SLFN12: variants seen among roughly 807,000 people sequenced by gnomAD.
The protein encoded by SLFN12 is ribonuclease SLFN12.
A neutral mutation model predicts 29.1 loss-of-function variants in SLFN12; 25 were observed. The observed-to-expected ratio is 0.86, with a 90% CI of 0.63 to 1.20. SLFN12 has a LOEUF of 1.20. Among genes scored for constraint, SLFN12 ranks in the 50% most tolerant of loss-of-function variants. SLFN12 has a pLI of 0.00. For missense variants in SLFN12, 660 were observed against 666.2 expected (o/e 0.99, Z 0.10); for synonymous variants, 257 against 238.7 (o/e 1.08, Z -0.71).
intron 2 of SLFN12, among the ~76,000 whole-genome samples, chr17:35,421,716 T>G (rs895459186): frequency 1.3e-5 from 2 of 151,866 alleles, no homozygotes; most frequent in African/African-American, 4.8e-5. Context: ...ATTTTTTGTA[T>G]TTTTAGTAGA....
At position 35,429,291 on chromosome 17, in the gene SLFN12, C is replaced by T. The variant is rs1912181612; in HGVS notation, c.-41+2897G>A. ...GCAGTTGAGCCACCTTATAGAGGAC[C>T]CAGCGCTTGTGAACTAGCCTGGGAT... On this transcript the variant is annotated intron_variant, in intron 1 of 3. Coordinates refer to ENST00000304905, the MANE Select transcript of SLFN12 (RefSeq NM_018042.5). Among the ~76,000 whole-genome samples the T allele has an allele frequency of 1.3e-5, 2 of 151,902 alleles. 1 individual carries two copies. Among genetic ancestry groups the T allele is most frequent in the South Asian group, 4.2e-4 (2 of 4,804 alleles).
intron 1 of SLFN12, among the ~76,000 whole-genome samples, chr17:35,431,193 T>C (rs1465020794): frequency 1.3e-5 from 2 of 152,198 alleles, no homozygotes; most frequent in Non-Finnish European, 2.9e-5. Flanking sequence ...TTCCCAGGAA[T>C]ATGGATTTGA....
intron 3 of SLFN12, among the ~76,000 whole-genome samples, chr17:35,415,444 G>A (rs8079558): frequency 0.34 from 51,120 of 151,856 alleles, 10,396 homozygotes; most frequent in East Asian, 0.58. Context: ...AATTCTAGAC[G>A]TTGGCTTAGG....
chr17:35,424,286 A>T (rs1442420248), intron 1 of SLFN12, among the ~76,000 whole-genome samples: 1 of 152,130 alleles, frequency 6.6e-6, no homozygotes, highest in Non-Finnish European at 1.5e-5. Context: ...ACTTAAGTTT[A>T]ACTTTTTTTT....
chr17:35,429,342 C>T (rs1172515090), intron 1 of SLFN12, among the ~76,000 whole-genome samples: 1 of 152,090 alleles, frequency 6.6e-6, no homozygotes, highest in Non-Finnish European at 1.5e-5. Flanking sequence ...CCAACATCTG[C>T]AGCTGTGTAA....
chr17:35,427,712 A>G (rs182455864), intron 1 of SLFN12, among the ~76,000 whole-genome samples: 249 of 152,312 alleles, frequency 1.6e-3, no homozygotes, highest in African/African-American at 5.3e-3. Context: ...ATAATTTCAT[A>G]CATGGTATTA....
intron 3 of SLFN12, among the ~76,000 whole-genome samples, chr17:35,415,713 C>T (rs959834644): frequency 2.6e-5 from 4 of 151,954 alleles, no homozygotes; most frequent in African/African-American, 9.7e-5. Flanking sequence ...TATAAATAGA[C>T]AATTCTCAAA....
Position 35,426,421 on chromosome 17 carries a change from A to G in SLFN12, c.-40-3353T>C, listed in dbSNP as rs1038539642. Among the ~76,000 whole-genome samples, 47 of 152,088 alleles carry G rather than the reference A, an allele frequency of 3.1e-4. 1 individual carries two copies. The highest frequency in any genetic ancestry group is 7.2e-4 in the Admixed American group (11 of 15,280). On this transcript the variant is annotated intron_variant, in intron 1 of 3. Transcript: ENST00000304905. Reference sequence around the variant, plus strand: ...ATATATTTTCTTCTAGTAGTTTTATAATTTCAGCTATTACATCTAAGTCTT... The same window carrying G: ...ATATATTTTCTTCTAGTAGTTTTATGATTTCAGCTATTACATCTAAGTCTT...
chr17:35,420,379 A>G lies in SLFN12; in HGVS notation c.1042T>C (p.Phe348Leu). The G allele has an allele frequency of 1.9e-6, 3 of 1,608,370 alleles. No homozygotes were observed. The highest frequency in any genetic ancestry group is 2.6e-6 in the Non-Finnish European group (3 of 1,175,120). Residue 348 changes from phenylalanine to leucine, a missense_variant and splice_region_variant, in exon 3 of 4, where the codon TTT (phenylalanine) becomes CTT (leucine). Transcript: ENST00000304905. ...IQFMVEAEPK[F>L]SSSYEEVISQ... ...ATCACCTCTTCATATGAACTGGAAA[A>G]TTCTTAAAAACAAAAATATCACATT...
intron 3 of SLFN12, among the ~76,000 whole-genome samples, chr17:35,413,825 T>C (rs1029512329): frequency 1.3e-5 from 2 of 151,062 alleles, no homozygotes; most frequent in African/African-American, 4.9e-5. Context: ...AAGCATAGTA[T>C]AACATGTGAA....
chr17:35,433,098 C>T (rs181444869), upstream of SLFN12: 2 of 152,252 alleles, frequency 1.3e-5, no homozygotes, highest in Non-Finnish European at 2.9e-5. Flanking sequence ...TTAAAGAAAA[C>T]AAAGAACAAA....
intron 1 of SLFN12, 84 bp from the exon 2 acceptor site, chr17:35,423,152 C>A: frequency 3.5e-6 from 5 of 1,443,998 alleles, no homozygotes; most frequent in Non-Finnish European, 4.6e-6. Context: ...GCAAAAAAAT[C>A]CTGTGCTGTA....
intron 1 of SLFN12, among the ~76,000 whole-genome samples, chr17:35,427,305 G>T (rs1238317657): frequency 1.3e-5 from 2 of 152,060 alleles, no homozygotes; most frequent in South Asian, 2.1e-4. Context: ...GCCAGTTTTG[G>T]GTTGCTTTTG....
Position 35,422,721 on chromosome 17 carries a change from A to G in SLFN12, c.308T>C (p.Phe103Ser), listed in dbSNP as rs1330493432. Residue 103 changes from phenylalanine (F) to serine (S), a missense_variant, in exon 2 of 4, where the codon TTT becomes TCT. Transcript: ENST00000304905. Reference sequence around the variant, plus strand: ...GCTCCATGACTTCACAAAAATCAGAAAGTAGTTACCATTCTGCATGAAGTC... The same window carrying G: ...GCTCCATGACTTCACAAAAATCAGAGAGTAGTTACCATTCTGCATGAAGTC... Reference protein sequence around the residue: ...YLDFMQNGNYFLIFVKSWSLN... With the variant: ...YLDFMQNGNYSLIFVKSWSLN... The G allele has an allele frequency of 6.2e-7, 1 of 1,614,092 alleles. No individual in the cohort carries two copies. The highest frequency in any genetic ancestry group is 2.2e-5 in the East Asian group (1 of 44,888).
chr17:35,411,474 A>C lies in SLFN12; in HGVS notation c.1601T>G (p.Leu534Arg). Reference protein sequence around the residue: ...FTRRKYLLKALFKALKRLKSL... With the variant: ...FTRRKYLLKARFKALKRLKSL... ...CTTGAGTCTCTTTAAGGCTTTAAAAAGGGCTTTCAGCAAGTATTTCCTTCT... is the reference window on the plus strand; with the variant it reads ...CTTGAGTCTCTTTAAGGCTTTAAAACGGGCTTTCAGCAAGTATTTCCTTCT... The change falls in exon 4 of 4, where the codon CTT becomes CGT. Residue 534 changes from leucine (L) to arginine (R), a missense_variant. By Grantham distance (102) the Leu-to-Arg change is moderately radical. Coordinates refer to ENST00000304905, the MANE Select transcript of SLFN12 (RefSeq NM_018042.5). 1.2e-6 allele frequency: 2 copies of C among 1,613,998 alleles called. No individual in the cohort carries two copies. The highest frequency in any genetic ancestry group is 2.7e-5 in the African/African-American group (2 of 75,052).
At chr17:35,424,228 T>C (rs924938386) in intron 1 of SLFN12, among the ~76,000 whole-genome samples, 22 of 152,140 alleles carry the variant, frequency 1.4e-4, no homozygotes, top group Non-Finnish European at 7.4e-5. Context: ...GACTTAAGTT[T>C]AACTATTTTT....
chr17:35,422,569 C>T lies in SLFN12; in HGVS notation c.460G>A (p.Gly154Arg), dbSNP rs1202237344. 1.2e-6 allele frequency: 2 copies of T among 1,614,092 alleles called. No individual in the cohort carries two copies. The highest frequency in any genetic ancestry group is 1.7e-6 in the Non-Finnish European group (2 of 1,180,018). The change falls in exon 2 of 4, where the codon GGG (glycine) becomes AGG (arginine). Residue 154 changes from glycine to arginine, a missense_variant. Physicochemically the swap from Gly to Arg is moderately radical, Grantham distance 125 (BLOSUM62 -2). Transcript: ENST00000304905. ...EFLKDMKKTRGRLYLRPELLA... is the reference protein window; with the variant it reads ...EFLKDMKKTRRRLYLRPELLA... ...AATTCTGGTCTTAAATACAATCTCC[C>T]TCTAGTCTTTTTCATGTCTTTGAGG...
At chr17:35,432,580 A>G (rs1912384065), upstream of SLFN12, 5 of 152,278 alleles carry the variant, frequency 3.3e-5, no homozygotes, top group South Asian at 1.0e-3. Context: ...ACAAAGTTAC[A>G]TTCCTATGCA....
chr17:35,415,941 T>A (rs8067552), intron 3 of SLFN12, among the ~76,000 whole-genome samples: 14,210 of 152,124 alleles, frequency 0.093, 2,098 homozygotes, highest in African/African-American at 0.31. Context: ...TGTGGAAAAA[T>A]GTGTGGAGAT....
Sources: gnomAD v4.1 joint callset for allele counts (sites outside exome capture counted in the v4.1 genomes callset) on GRCh38, gnomAD v4.1.1 for gene constraint, MANE v1.5 for transcripts, NCBI Gene and HGNC (gene_info 2026-07-23, HGNC 2026-07-21) for gene names.